Variants in OPCML observed in about 807,000 individuals in gnomAD.
OPCML encodes the protein opioid-binding protein/cell adhesion molecule.
A neutral mutation model predicts 37.8 loss-of-function variants in OPCML; 13 were observed. That is an observed-to-expected ratio of 0.34 (90% CI 0.22 to 0.55). The LOEUF (loss-of-function observed/expected upper bound fraction) is 0.55. OPCML is among the 20% of genes least tolerant of loss of function. OPCML has a pLI of 0.91. For synonymous variants in OPCML, 176 were observed against 168.8 expected, an observed-to-expected ratio of 1.04 and a Z score of -0.33; for missense variants, 341 against 435.6, an observed-to-expected ratio of 0.78 and a Z score of 1.93.
At chr11:133,207,718 G>C (rs1181907682) in intron 1 of OPCML, among the ~76,000 whole-genome samples, 1 of 152,184 alleles carries the variant, frequency 6.6e-6, no homozygotes, top group Non-Finnish European at 1.5e-5. Flanking sequence ...TCCAGACTCA[G>C]ATGGCAATGC....
chr11:133,355,815 T>A (rs536335094), intron 1 of OPCML, among the ~76,000 whole-genome samples: 3 of 152,232 alleles, frequency 2.0e-5, no homozygotes, highest in Admixed American at 2.0e-4. Context: ...CCAGAATAGG[T>A]CCCTAAAGGT....
In OPCML at chr11:133,003,716, A is replaced by G. The variant is rs1947054586; in HGVS notation, c.62-60706T>C. 12 of 985,324 alleles carry G rather than the reference A, an allele frequency of 1.2e-5. No homozygotes were observed. In the South Asian group the frequency reaches 5.2e-4, roughly 42 times the overall value. The allele number at this position is 985,324 out of a possible 1,614,324, so 61.0% of individuals were successfully genotyped here. On this transcript the variant is annotated intron_variant, in intron 1 of 7. Transcript: ENST00000524381. The stretch of plus-strand genomic sequence containing the variant: ...CTTCCGGTAATGAATTAAAGTCCCT[A>G]CTTCTTGAATATCTGACTTCCTGGA...
chr11:132,788,240 TC>T (rs1166751920), intron 2 of OPCML, among the ~76,000 whole-genome samples: 1 of 152,174 alleles, frequency 6.6e-6, no homozygotes, highest in Non-Finnish European at 1.5e-5. Context: ...CTTGCTCTTT[TC>T]CCTGAAAAAT....
chr11:132,734,924 A>C (rs1945199872), intron 2 of OPCML, among the ~76,000 whole-genome samples: 1 of 152,204 alleles, frequency 6.6e-6, no homozygotes, highest in African/African-American at 2.4e-5. Flanking sequence ...AAACTGAAAG[A>C]AAGGTGATTG....
chr11:133,047,772 G>C (rs1006148685), intron 1 of OPCML, among the ~76,000 whole-genome samples: 1 of 152,206 alleles, frequency 6.6e-6, no homozygotes, highest in Non-Finnish European at 1.5e-5. Flanking sequence ...GAAAGGATTT[G>C]AGAGAAAATA....
At position 133,351,753 on chromosome 11, in the gene OPCML, G is replaced by A. The variant is rs146030629; in HGVS notation, c.61+180511C>T. ...TCAAATGCACACTTGAATCCAACAGGCTTCTCATACTTCACACACACACAC... is the reference window on the plus strand; with the variant it reads ...TCAAATGCACACTTGAATCCAACAGACTTCTCATACTTCACACACACACAC... On this transcript the variant is annotated intron_variant, in intron 1 of 7. Coordinates refer to ENST00000524381, the MANE Select transcript of OPCML (RefSeq NM_001012393.5). Among the ~76,000 whole-genome samples the A allele has an allele frequency of 3.3e-5, 5 of 151,972 alleles. No individual in the cohort carries two copies. The East Asian group carries it at 7.7e-4, about 24-fold the overall frequency.
At chr11:132,711,132 G>A (rs1944248835) in intron 2 of OPCML, among the ~76,000 whole-genome samples, 1 of 152,096 alleles carries the variant, frequency 6.6e-6, no homozygotes, top group Non-Finnish European at 1.5e-5. Context: ...ACTTAATGTG[G>A]GTAAAACAAA....
At chr11:132,871,773 T>G (rs1665114346) in intron 2 of OPCML, among the ~76,000 whole-genome samples, 1 of 152,230 alleles carries the variant, frequency 6.6e-6, no homozygotes, top group East Asian at 1.9e-4. Flanking sequence ...AGAACTGTCT[T>G]CAGCTTTGCA....
At chr11:133,326,091 G>A (rs1943441216) in intron 1 of OPCML, among the ~76,000 whole-genome samples, 1 of 152,058 alleles carries the variant, frequency 6.6e-6, no homozygotes, top group Admixed American at 6.5e-5. Flanking sequence ...CAGCAAAACT[G>A]AGTGCAATCC....
intron 1 of OPCML, among the ~76,000 whole-genome samples, chr11:133,343,818 T>A (rs1021907176): frequency 6.6e-6 from 1 of 152,186 alleles, no homozygotes; most frequent in Non-Finnish European, 1.5e-5. Flanking sequence ...CTGTACCACA[T>A]CTTCCCAAAA....
chr11:132,813,917 G>A (rs1939486584), intron 2 of OPCML, among the ~76,000 whole-genome samples: 1 of 152,144 alleles, frequency 6.6e-6, no homozygotes, highest in Non-Finnish European at 1.5e-5. Context: ...TCTGAGATAG[G>A]TGTGCGTTTT....
At chr11:132,693,372 A>G (rs186005219) in intron 2 of OPCML, among the ~76,000 whole-genome samples, 18 of 152,248 alleles carry the variant, frequency 1.2e-4, no homozygotes, top group Non-Finnish European at 2.1e-4. Flanking sequence ...TAGCCTGATT[A>G]TTTTATTTGC....
intron 2 of OPCML, among the ~76,000 whole-genome samples, chr11:132,814,166 G>A (rs538651714): frequency 8.5e-5 from 13 of 152,160 alleles, no homozygotes; most frequent in Non-Finnish European, 1.3e-4. Flanking sequence ...ATTCTACTAC[G>A]TAGCAAGTGA....
At chr11:133,037,027 T>C (rs1947795621) in intron 1 of OPCML, among the ~76,000 whole-genome samples, 2 of 152,156 alleles carry the variant, frequency 1.3e-5, no homozygotes, top group South Asian at 4.1e-4. Flanking sequence ...CTGGCTCAGA[T>C]GACAAAGGGC....
intron 4 of OPCML, among the ~76,000 whole-genome samples, chr11:132,446,923 C>T (rs974335411): frequency 1.3e-5 from 2 of 152,104 alleles, no homozygotes; most frequent in African/African-American, 4.8e-5. Context: ...TTCAAGAAGG[C>T]TGTATTTTTG....
intron 2 of OPCML, among the ~76,000 whole-genome samples, chr11:132,720,880 T>A (rs1340136342): frequency 6.6e-6 from 1 of 152,054 alleles, no homozygotes; most frequent in Non-Finnish European, 1.5e-5. Context: ...GCCTGTCATT[T>A]TTTTCCCTAA....
At chr11:133,031,492 T>G (rs1947670411) in intron 1 of OPCML, among the ~76,000 whole-genome samples, 1 of 148,366 alleles carries the variant, frequency 6.7e-6, no homozygotes, top group Non-Finnish European at 1.5e-5. Context: ...AATGGATGGA[T>G]GGATGGTTGG....
intron 1 of OPCML, among the ~76,000 whole-genome samples, chr11:133,140,706 A>G (rs1949769594): frequency 3.0e-5 from 1 of 33,886 alleles, no homozygotes; most frequent in Non-Finnish European, 7.8e-5. Context: ...GAAGAAGAAG[A>G]CGGAAGACGA....
At chr11:132,571,866 G>A (rs916813864) in intron 3 of OPCML, among the ~76,000 whole-genome samples, 4 of 152,108 alleles carry the variant, frequency 2.6e-5, no homozygotes, top group African/African-American at 9.7e-5. Flanking sequence ...CATAGCAGCT[G>A]TACCATTTTG....
Sources: gnomAD v4.1 joint callset for allele counts (sites outside exome capture counted in the v4.1 genomes callset) on GRCh38, gnomAD v4.1.1 for gene constraint, MANE v1.5 for transcripts, NCBI Gene and HGNC (gene_info 2026-07-23, HGNC 2026-07-21) for gene names.